WDR70: variants seen among roughly 807,000 people sequenced by gnomAD.
The protein encoded by WDR70 is WD repeat domain 70, also known as WD repeat-containing protein 70.
In WDR70, 53 loss-of-function variants were observed where a neutral mutation model predicts 88.6. The ratio of observed to expected loss-of-function variants is 0.60; its 90% CI spans 0.48 to 0.75. The LOEUF (loss-of-function observed/expected upper bound fraction) is 0.75. Among genes scored for constraint, WDR70 ranks in the 30% least tolerant of loss-of-function variants. The pLI is 0.00. For missense variants in WDR70, 610 were observed against 823.2 expected, an observed-to-expected ratio of 0.74 and a Z score of 3.17; for synonymous variants, 280 against 270.0, an observed-to-expected ratio of 1.04 and a Z score of -0.36.
chr5:37,416,564 AG>A (rs1465107603), intron 5 of WDR70, among the ~76,000 whole-genome samples: 1 of 140,726 alleles, frequency 7.1e-6, no homozygotes, highest in Non-Finnish European at 1.5e-5. Context: ...GGAGAGGGAG[AG>A]GGCTTGGGAG....
At position 37,738,040 on chromosome 5, in the gene WDR70, A is replaced by C. The variant is rs180681154; in HGVS notation, c.1877+10995A>C. On this transcript the variant is annotated intron_variant, in intron 17 of 17. Transcript: ENST00000265107. ...GTGTGCCTAATATTTAAAAAAAAAAAAAACAAACAAAAAAACAACAACTTC... is the reference window on the plus strand; with the variant it reads ...GTGTGCCTAATATTTAAAAAAAAAACAAACAAACAAAAAAACAACAACTTC... 5.3e-3 allele frequency among the ~76,000 whole-genome samples: 808 copies of C among 151,732 alleles called. 6 individuals are homozygous for C. Among genetic ancestry groups the C allele is most frequent in the Non-Finnish European group, 7.7e-3 (520 of 67,886 alleles).
At chr5:37,472,869 A>G (rs955971148) in intron 7 of WDR70, among the ~76,000 whole-genome samples, 2 of 152,034 alleles carry the variant, frequency 1.3e-5, no homozygotes, top group Non-Finnish European at 2.9e-5. Context: ...ACGTTTTTGT[A>G]TGAGCCTTTT....
intron 9 of WDR70, among the ~76,000 whole-genome samples, chr5:37,541,934 C>T (rs1010915230): frequency 1.6e-4 from 25 of 152,174 alleles, no homozygotes; most frequent in Non-Finnish European, 3.2e-4. Context: ...AATGGCAACA[C>T]ATAGATACTG....
intron 5 of WDR70, among the ~76,000 whole-genome samples, chr5:37,415,679 C>T (rs1391065740): frequency 6.6e-6 from 1 of 151,318 alleles, no homozygotes; most frequent in African/African-American, 2.4e-5. Context: ...CCCCACCTCC[C>T]TCCCGCCGGG....
intron 9 of WDR70, among the ~76,000 whole-genome samples, chr5:37,594,378 C>T (rs1197023419): frequency 1.3e-5 from 2 of 152,114 alleles, no homozygotes. Context: ...CCAGTTTTCC[C>T]AGCACCATTT....
At chr5:37,684,085 A>AAAT (rs1229694237) in intron 10 of WDR70, among the ~76,000 whole-genome samples, 2 of 152,088 alleles carry the variant, frequency 1.3e-5, no homozygotes, top group Non-Finnish European at 2.9e-5. Flanking sequence ...CTTATTTCAG[A>AAAT]AAGCCAGTCT....
intron 8 of WDR70, among the ~76,000 whole-genome samples, chr5:37,513,048 G>A (rs1740768564): frequency 6.6e-6 from 1 of 152,074 alleles, no homozygotes; most frequent in African/African-American, 2.4e-5. Context: ...CAGTATATGT[G>A]TTACTAATTT....
chr5:37,474,903 C>T (rs1317095592), intron 7 of WDR70, among the ~76,000 whole-genome samples: 3 of 151,960 alleles, frequency 2.0e-5, no homozygotes, highest in Admixed American at 1.3e-4. Context: ...AGTAATGTTC[C>T]TTTATTTTAT....
chr5:37,726,016 C>T (rs1747959969), intron 16 of WDR70, among the ~76,000 whole-genome samples: 1 of 152,130 alleles, frequency 6.6e-6, no homozygotes, highest in African/African-American at 2.4e-5. Context: ...CCCAAATACC[C>T]ATTGAACTTT....
chr5:37,472,094 G>A (rs1057125565), intron 7 of WDR70, among the ~76,000 whole-genome samples: 1 of 151,746 alleles, frequency 6.6e-6, no homozygotes, highest in African/African-American at 2.4e-5. Flanking sequence ...TTTGCCAGGA[G>A]GTTTTATGAA....
intron 10 of WDR70, among the ~76,000 whole-genome samples, chr5:37,688,913 G>A (rs1317693147): frequency 6.6e-6 from 1 of 152,126 alleles, no homozygotes; most frequent in African/African-American, 2.4e-5. Flanking sequence ...AAGGGGTCGG[G>A]GGAATTCCCT....
intron 5 of WDR70, among the ~76,000 whole-genome samples, chr5:37,398,452 A>G (rs1749095398): frequency 6.6e-6 from 1 of 152,196 alleles, no homozygotes; most frequent in Non-Finnish European, 1.5e-5. Context: ...AGTAATAATT[A>G]TGAAATGAAA....
intron 10 of WDR70, among the ~76,000 whole-genome samples, chr5:37,635,472 A>G: frequency 6.6e-6 from 1 of 152,186 alleles, no homozygotes; most frequent in Non-Finnish European, 1.5e-5. Flanking sequence ...CCAGCTTCAA[A>G]AATTCTTTTT....
In WDR70 at chr5:37,579,553, C is replaced by T. The variant is rs1303877630; in HGVS notation, c.918-25511C>T. The stretch of plus-strand genomic sequence containing the variant: ...GAGCCGAGATTGCATCATTGCACTC[C>T]AGCCTGGCAACCGAGTGAGACTCTG... On this transcript the variant is annotated intron_variant, in intron 9 of 17. Transcript: ENST00000265107. Among the ~76,000 whole-genome samples the T allele has an allele frequency of 4.3e-5, 6 of 140,908 alleles. No homozygotes were observed. The East Asian group carries it at 8.1e-4, about 19-fold the overall frequency. The allele number at this position is 140,908 out of a possible 152,430, so 92.4% of individuals were successfully genotyped here. A position where few individuals can be genotyped will look rare whatever the true frequency, so the allele number is the denominator to read the frequency against.
At chr5:37,641,869 T>C (rs1745112418) in intron 10 of WDR70, among the ~76,000 whole-genome samples, 1 of 152,242 alleles carries the variant, frequency 6.6e-6, no homozygotes, top group African/African-American at 2.4e-5. Context: ...TTTTCTGTAG[T>C]AGCATATTTT....
At chr5:37,630,097 G>A (rs1399906257) in intron 10 of WDR70, among the ~76,000 whole-genome samples, 1 of 152,356 alleles carries the variant, frequency 6.6e-6, no homozygotes. Flanking sequence ...TGTGGTGACA[G>A]TAGTGCAGCT....
intron 10 of WDR70, among the ~76,000 whole-genome samples, chr5:37,609,255 G>C (rs1196317769): frequency 6.6e-6 from 1 of 152,030 alleles, no homozygotes; most frequent in African/African-American, 2.4e-5. Flanking sequence ...CTAATAACAG[G>C]CAAATTTTTA....
intron 9 of WDR70, among the ~76,000 whole-genome samples, chr5:37,549,668 CTG>C (rs1487530612): frequency 1.3e-5 from 2 of 152,130 alleles, no homozygotes; most frequent in African/African-American, 4.8e-5. Context: ...ACTTCCAGCA[CTG>C]TGTTGAATAA....
At chr5:37,414,745 A>G (rs1316277955) in intron 5 of WDR70, among the ~76,000 whole-genome samples, 1 of 151,944 alleles carries the variant, frequency 6.6e-6, no homozygotes, top group Non-Finnish European at 1.5e-5. Flanking sequence ...TAAACATTTC[A>G]TTGAATCAAA....
Sources: allele counts gnomAD v4.1 joint callset (sites outside exome capture counted in the v4.1 genomes callset), GRCh38; gene constraint gnomAD v4.1.1; transcripts MANE v1.5; gene names NCBI Gene and HGNC (gene_info 2026-07-23, HGNC 2026-07-21).